The following DLG2 variants were observed in gnomAD, a reference collection of about 807,000 sequenced individuals.
The protein encoded by DLG2 is discs large MAGUK scaffold protein 2, also known as disks large homolog 2.
A neutral mutation model predicts 132.5 loss-of-function variants in DLG2; 45 were observed. That is an observed-to-expected ratio of 0.34 (90% CI 0.27 to 0.44). The LOEUF (loss-of-function observed/expected upper bound fraction) is 0.44, where lower values mean the gene tolerates loss of function less well. DLG2 is among the 20% of genes least tolerant of loss of function. The pLI is 1.00. For missense variants in DLG2, 1,045 were observed against 1,196.9 expected (o/e 0.87, Z 1.87); for synonymous variants, 424 against 419.6 (o/e 1.01, Z -0.13).
chr11:85,401,932 T>G (rs1241925425), intron 3 of DLG2, among the ~76,000 whole-genome samples: 1 of 152,070 alleles, frequency 6.6e-6, no homozygotes, highest in East Asian at 1.9e-4. Context: ...AATTTATAGA[T>G]TCAATGCCAT....
intron 7 of DLG2, among the ~76,000 whole-genome samples, chr11:84,281,175 T>C (rs1447586997): frequency 6.6e-6 from 1 of 152,264 alleles, no homozygotes; most frequent in Middle Eastern, 3.4e-3. Context: ...GTGGATTATA[T>C]ACTTAGATGT....
At chr11:85,194,002 A>T (rs2080837811) in intron 4 of DLG2, among the ~76,000 whole-genome samples, 1 of 152,256 alleles carries the variant, frequency 6.6e-6, no homozygotes, top group South Asian at 2.1e-4. Context: ...GGAAAAAATT[A>T]GTGACTACTG....
chr11:83,661,830 T>G (rs541791637), intron 18 of DLG2, among the ~76,000 whole-genome samples: 1 of 152,134 alleles, frequency 6.6e-6, no homozygotes, highest in Non-Finnish European at 1.5e-5. Flanking sequence ...TGACCTCCTA[T>G]TGGGGGCAGA....
At chr11:85,147,297 C>T (rs1287377053) in intron 5 of DLG2, among the ~76,000 whole-genome samples, 3 of 152,116 alleles carry the variant, frequency 2.0e-5, no homozygotes, top group African/African-American at 7.2e-5. Context: ...TCTTCCTCTG[C>T]CTCCCTCCTA....
intron 3 of DLG2, among the ~76,000 whole-genome samples, chr11:85,569,658 C>T (rs7939217): frequency 0.15 from 23,346 of 152,032 alleles, 2,204 homozygotes; most frequent in East Asian, 0.28. Flanking sequence ...GAAATTAAAA[C>T]CACAATGACC....
At position 85,542,060 on chromosome 11, in the gene DLG2, T is replaced by C. The variant is rs2076007098; in HGVS notation, c.40+56597A>G. Among the ~76,000 whole-genome samples, 6 of 152,258 alleles carry C rather than the reference T, an allele frequency of 3.9e-5. No individual in the cohort carries two copies. The South Asian group carries it at 1.2e-3, about 32-fold the overall frequency. On this transcript the variant is annotated intron_variant, in intron 3 of 27. Transcript: ENST00000376104. Reference sequence around the variant, plus strand: ...TTACAGCTAATTTATTTACAACAACTCCAGAATTGAGAAAACCCACCCACA... The same window carrying C: ...TTACAGCTAATTTATTTACAACAACCCCAGAATTGAGAAAACCCACCCACA...
intron 18 of DLG2, among the ~76,000 whole-genome samples, chr11:83,768,152 T>C (rs1336255642): frequency 8.5e-5 from 13 of 152,236 alleles, no homozygotes; most frequent in African/African-American, 3.1e-4. Flanking sequence ...GATTTTTTTC[T>C]TATACAAAAG....
chr11:84,497,405 C>T (rs775860188), intron 7 of DLG2, among the ~76,000 whole-genome samples: 1 of 152,066 alleles, frequency 6.6e-6, no homozygotes, highest in African/African-American at 2.4e-5. Context: ...ACCCTATAGT[C>T]CCAGAGTTGG....
intron 5 of DLG2, among the ~76,000 whole-genome samples, chr11:85,148,498 G>T (rs531191275): frequency 2.6e-5 from 4 of 152,294 alleles, no homozygotes; most frequent in African/African-American, 7.2e-5. Flanking sequence ...TTTCTCTAAT[G>T]ATCAGTGATG....
intron 21 of DLG2, among the ~76,000 whole-genome samples, chr11:83,528,920 C>T (rs914005936): frequency 2.0e-5 from 3 of 152,148 alleles, no homozygotes; most frequent in African/African-American, 7.2e-5. Flanking sequence ...CTGACAGTCA[C>T]ATTAAAGTCC....
chr11:85,259,758 G>T (rs2076847739), intron 4 of DLG2, among the ~76,000 whole-genome samples: 2 of 151,722 alleles, frequency 1.3e-5, no homozygotes, highest in African/African-American at 4.8e-5. Context: ...GCCAGAAATT[G>T]CAAATTATTT....
At chr11:83,707,056 TC>T (rs1266949400) in intron 18 of DLG2, among the ~76,000 whole-genome samples, 1 of 152,210 alleles carries the variant, frequency 6.6e-6, no homozygotes, top group African/African-American at 2.4e-5. Context: ...TACTTTTATC[TC>T]TATTTATATA....
chr11:85,297,933 T>G (rs1378178662), intron 3 of DLG2, among the ~76,000 whole-genome samples: 1 of 152,170 alleles, frequency 6.6e-6, no homozygotes, highest in Non-Finnish European at 1.5e-5. Flanking sequence ...ACATAATGTC[T>G]GAGCATGGAG....
At chr11:85,042,657 T>C (rs1257801267) in intron 6 of DLG2, among the ~76,000 whole-genome samples, 1 of 151,908 alleles carries the variant, frequency 6.6e-6, no homozygotes, top group Non-Finnish European at 1.5e-5. Context: ...TGTTATTTTC[T>C]TAATAAATAA....
At chr11:85,566,705 G>A (rs546070443) in intron 3 of DLG2, among the ~76,000 whole-genome samples, 1 of 152,212 alleles carries the variant, frequency 6.6e-6, no homozygotes, top group African/African-American at 2.4e-5. Context: ...CACTTTGGGG[G>A]TTAGGATTTT....
chr11:84,948,157 A>T (rs1023224634), intron 6 of DLG2, among the ~76,000 whole-genome samples: 1 of 152,196 alleles, frequency 6.6e-6, no homozygotes, highest in African/African-American at 2.4e-5. Context: ...CTGCAGGATG[A>T]TGCAATAGTT....
At chr11:85,405,189 G>A (rs1271808301) in intron 3 of DLG2, among the ~76,000 whole-genome samples, 1 of 151,876 alleles carries the variant, frequency 6.6e-6, no homozygotes, top group African/African-American at 2.4e-5. Context: ...CCCCTTGCAT[G>A]CTAGATTTTA....
intron 6 of DLG2, among the ~76,000 whole-genome samples, chr11:84,820,035 A>G (rs1052636019): frequency 2.7e-5 from 4 of 150,530 alleles, no homozygotes; most frequent in African/African-American, 9.8e-5. Flanking sequence ...GCAGCCCCTC[A>G]TACTAGATGT....
At chr11:84,720,485 G>A (rs1011348408) in intron 6 of DLG2, 3 of 985,138 alleles carry the variant, frequency 3.0e-6, no homozygotes, top group Non-Finnish European at 3.6e-6. Context: ...AGACCGAGCT[G>A]CCGCTTCGAT....
Sources: allele counts gnomAD v4.1 joint callset (sites outside exome capture counted in the v4.1 genomes callset), GRCh38; gene constraint gnomAD v4.1.1; transcripts MANE v1.5; gene names NCBI Gene and HGNC (gene_info 2026-07-23, HGNC 2026-07-21).